Variants in WNK1 observed in about 807,000 individuals in gnomAD.
WNK1 encodes the protein WNK lysine deficient protein kinase 1, also known as serine/threonine-protein kinase WNK1.
Under a neutral mutation model 222.8 loss-of-function variants are expected in WNK1, and 38 were observed. The observed-to-expected ratio is 0.17, with a 90% CI of 0.13 to 0.22. The LOEUF (loss-of-function observed/expected upper bound fraction) is 0.22. Among genes scored for constraint, WNK1 ranks in the 10% least tolerant of loss-of-function variants. WNK1 has a pLI of 1.00. For synonymous variants in WNK1, 1,090 were observed against 1,092.9 expected (o/e 1.00, Z 0.05); for missense variants, 2,348 against 2,918.4 (o/e 0.80, Z 4.50).
chr12:799,851 C>T (rs1387818984), intron 1 of WNK1, among the ~76,000 whole-genome samples: 2 of 152,028 alleles, frequency 1.3e-5, no homozygotes, highest in African/African-American at 4.8e-5. Flanking sequence ...CACGTGCCTA[C>T]TTTTTGTATT....
chr12:858,194 C>CTT lies in WNK1; in HGVS notation c.1400+958_1400+959dup, dbSNP rs112141810. On this transcript the variant is annotated intron_variant, in intron 5 of 27. Coordinates refer to ENST00000315939, the MANE Select transcript of WNK1 (RefSeq NM_018979.4). ...AAACAAAGGAATGTTTGTTTCAACT[C>CTT]TTTTTTTTTTTTTTGGACACAGTCT... Among the ~76,000 whole-genome samples, 17 of 142,060 alleles carry CTT rather than the reference C, an allele frequency of 1.2e-4. No homozygotes were observed. The South Asian group carries it at 1.3e-3, about 11-fold the overall frequency. The allele number at this position is 142,060 out of a possible 152,430, so 93.2% of individuals were successfully genotyped here.
chr12:768,663 G>T (rs1448510265), intron 1 of WNK1, among the ~76,000 whole-genome samples: 1 of 152,144 alleles, frequency 6.6e-6, no homozygotes, highest in African/African-American at 2.4e-5. Context: ...TATTTACTGA[G>T]TGTGTACTTG....
At chr12:798,635 TTTAA>T (rs142640880) in intron 1 of WNK1, among the ~76,000 whole-genome samples, 80,870 of 151,564 alleles carry the variant, frequency 0.53, 21,894 homozygotes, top group East Asian at 0.81. Context: ...TTTTTTTTCC[TTTAA>T]TTGTGTTCCT....
intron 21 of WNK1, among the ~76,000 whole-genome samples, chr12:890,150 G>T (rs1049034828): frequency 6.6e-6 from 1 of 151,440 alleles, no homozygotes. Context: ...GCGGGGTTTC[G>T]CCATGTTGGC....
chr12:881,635 G>T, intron 12 of WNK1, 57 bp from the exon 13 acceptor site: 2 of 1,355,394 alleles, frequency 1.5e-6, no homozygotes, highest in East Asian at 2.3e-5. Flanking sequence ...GATTATTGGG[G>T]ATAGTGAATG....
chr12:894,466 A>T, intron 22 of WNK1, 96 bp from the exon 23 acceptor site: 1 of 1,027,778 alleles, frequency 9.7e-7, no homozygotes, highest in South Asian at 1.3e-5. Flanking sequence ...AGCTTTCCTC[A>T]TGTGTAGTTT....
At position 870,904 on chromosome 12, in the gene WNK1, A is replaced by C. The variant is rs1016970579; in HGVS notation, c.2140-361A>C. Among the ~76,000 whole-genome samples, 3 of 152,206 alleles carry C rather than the reference A, an allele frequency of 2.0e-5. No individual in the cohort carries two copies. The East Asian group carries it at 5.8e-4, about 29-fold the overall frequency. ...ATACCTTTCTTTAATTCTTCAGATA[A>C]ATTTCAGATTGATAGTATTAATACT... On this transcript the variant is annotated intron_variant, in intron 8 of 27. Transcript: ENST00000315939.
intron 1 of WNK1, among the ~76,000 whole-genome samples, chr12:809,388 T>C (rs962260713): frequency 2.6e-5 from 4 of 151,864 alleles, no homozygotes; most frequent in Non-Finnish European, 4.4e-5. Context: ...TTGAGGAAAG[T>C]TGGGCTCACA....
At chr12:902,297 T>C (rs1360241927) in intron 26 of WNK1, among the ~76,000 whole-genome samples, 3 of 152,086 alleles carry the variant, frequency 2.0e-5, no homozygotes, top group Admixed American at 2.0e-4. Flanking sequence ...AGTGAGACTC[T>C]ATCTCAAAAA....
At chr12:862,683 C>G (rs899913449) in intron 8 of WNK1, among the ~76,000 whole-genome samples, 1 of 152,132 alleles carries the variant, frequency 6.6e-6, no homozygotes, top group African/African-American at 2.4e-5. Flanking sequence ...ACCTTCAAAC[C>G]ATTATAGAAT....
chr12:764,714 A>T lies in WNK1; in HGVS notation c.759+10390A>T, dbSNP rs992791491. 4.0e-4 allele frequency among the ~76,000 whole-genome samples: 58 copies of T among 146,808 alleles called. 4 individuals are homozygous for T. The highest frequency in any genetic ancestry group is 1.4e-3 in the African/African-American group (58 of 41,124). ...AGCCCTGACAAAAAGAAATTAAAAA[A>T]AAAGTCAGTAACAATTAAATTTAAG... On this transcript the variant is annotated intron_variant, in intron 1 of 27. Coordinates refer to ENST00000315939, the MANE Select transcript of WNK1 (RefSeq NM_018979.4).
At chr12:894,709 C>A in intron 23 of WNK1, 74 bp downstream of exon 23, 1 of 1,376,194 alleles carries the variant, frequency 7.3e-7, no homozygotes. Context: ...TTACTGCCTA[C>A]CTATTTGGGA....
At chr12:867,666 C>T (rs72649854) in intron 8 of WNK1, 12 of 610,122 alleles carry the variant, frequency 2.0e-5, no homozygotes, top group Non-Finnish European at 3.1e-5. Context: ...AAAGAGCCCA[C>T]AGATTGATTT....
intron 27 of WNK1, 50 bp downstream of exon 27, chr12:908,084 G>A (rs1955854097): frequency 1.2e-6 from 2 of 1,600,836 alleles, no homozygotes; most frequent in Non-Finnish European, 1.7e-6. Context: ...TCTGAGTCAA[G>A]GTGATAGAAA....
chr12:779,882 C>A lies in WNK1; in HGVS notation c.759+25558C>A, dbSNP rs145615595. ...TTGACTCAGCTTCCTTTTTCTCTTG[C>A]CTGCATTTTTTGTTTACTTCACTGG... On this transcript the variant is annotated intron_variant, in intron 1 of 27. Transcript: ENST00000315939. Among the ~76,000 whole-genome samples the A allele has an allele frequency of 3.9e-3, 599 of 152,142 alleles. 7 individuals carry two copies. The highest frequency in any genetic ancestry group is 0.014 in the African/African-American group (567 of 41,528).
intron 1 of WNK1, among the ~76,000 whole-genome samples, chr12:780,474 A>G (rs1306789369): frequency 6.6e-6 from 1 of 152,220 alleles, no homozygotes; most frequent in Non-Finnish European, 1.5e-5. Context: ...TCCTAAGTGT[A>G]GTGTGTTGCA....
intron 3 of WNK1, 23 bp from the exon 4 acceptor site, chr12:829,980 C>A (rs372162777): frequency 2.2e-5 from 36 of 1,613,804 alleles, no homozygotes; most frequent in Non-Finnish European, 3.0e-5. Context: ...CGCATTGAGT[C>A]TGAATCGTTC....
At chr12:842,214 T>G (rs1433174514) in intron 4 of WNK1, among the ~76,000 whole-genome samples, 1 of 152,218 alleles carries the variant, frequency 6.6e-6, no homozygotes, top group Non-Finnish European at 1.5e-5. Flanking sequence ...TTCAGAATTA[T>G]CCTACTAAAA....
chr12:776,412 T>TTGTGTGTTTG (rs1555082816), intron 1 of WNK1, among the ~76,000 whole-genome samples: 1 of 146,112 alleles, frequency 6.8e-6, no homozygotes, highest in Non-Finnish European at 1.5e-5. Context: ...GTTTGTGTGT[T>TTGTGTGTTTG]TGTGTGTGTG....
Sources: gnomAD v4.1 joint callset for allele counts (sites outside exome capture counted in the v4.1 genomes callset) on GRCh38, gnomAD v4.1.1 for gene constraint, MANE v1.5 for transcripts, NCBI Gene and HGNC (gene_info 2026-07-23, HGNC 2026-07-21) for gene names.